ENOX1: variants seen among roughly 807,000 people sequenced by gnomAD.
ENOX1 encodes the protein ecto-NOX disulfide-thiol exchanger 1, also known as candidate growth-related and time keeping constitutive hydroquinone (NADH) oxidase.
Under a neutral mutation model 82.5 loss-of-function variants are expected in ENOX1, and 42 were observed. The observed-to-expected ratio is 0.51, with a 90% confidence interval of 0.40 to 0.66. ENOX1 has a LOEUF of 0.66. Ranked by LOEUF, ENOX1 falls within the 30% of genes least tolerant of loss-of-function variation. ENOX1 has a pLI of 0.00. For missense variants in ENOX1, 608 were observed against 811.6 expected (o/e 0.75, Z 3.05); for synonymous variants, 271 against 282.2 (o/e 0.96, Z 0.40).
intron 11 of ENOX1, among the ~76,000 whole-genome samples, 157 bp downstream of exon 11, chr13:43,322,227 G>A (rs942530806): frequency 6.6e-6 from 1 of 152,190 alleles, no homozygotes; most frequent in African/African-American, 2.4e-5. Context: ...CCAAGAAGGA[G>A]TTTAAAGTTC....
At chr13:43,470,169 G>A (rs1455165667) in intron 3 of ENOX1, among the ~76,000 whole-genome samples, 1 of 147,242 alleles carries the variant, frequency 6.8e-6, no homozygotes, top group Non-Finnish European at 1.5e-5. Context: ...GTACTATAAA[G>A]TTTTCAAACT....
At chr13:43,722,035 G>C (rs2088617146) in intron 1 of ENOX1, among the ~76,000 whole-genome samples, 1 of 152,186 alleles carries the variant, frequency 6.6e-6, no homozygotes, top group Admixed American at 6.5e-5. Flanking sequence ...GGAATGTAGA[G>C]AAGAACTCAT....
intron 1 of ENOX1, among the ~76,000 whole-genome samples, chr13:43,698,406 T>A (rs956267248): frequency 6.6e-6 from 1 of 152,154 alleles, no homozygotes; most frequent in Non-Finnish European, 1.5e-5. Context: ...CCAAAGACCC[T>A]AACTGTTAGA....
chr13:43,568,047 C>G (rs1012999670), intron 2 of ENOX1, among the ~76,000 whole-genome samples: 1 of 152,188 alleles, frequency 6.6e-6, no homozygotes, highest in African/African-American at 2.4e-5. Flanking sequence ...TATAAAAATA[C>G]TGATCTCTAA....
chr13:43,651,857 C>T (rs149689472), intron 2 of ENOX1, among the ~76,000 whole-genome samples: 2,005 of 151,344 alleles, frequency 0.013, 23 homozygotes, highest in Non-Finnish European at 0.02. Flanking sequence ...TGCCTGTAAT[C>T]CCAGTTACCT....
At chr13:43,585,780 T>C (rs572249902) in intron 2 of ENOX1, among the ~76,000 whole-genome samples, 1 of 152,320 alleles carries the variant, frequency 6.6e-6, no homozygotes, top group South Asian at 2.1e-4. Flanking sequence ...GGTTTCACTA[T>C]GTTGGCCAGG....
At chr13:43,721,348 T>TA (rs1236842693) in intron 1 of ENOX1, among the ~76,000 whole-genome samples, 1 of 148,688 alleles carries the variant, frequency 6.7e-6, no homozygotes, top group Non-Finnish European at 1.5e-5. Flanking sequence ...ACTACATAAA[T>TA]AAGAAAAAGC....
At chr13:43,763,890 T>C (rs1035258012) in intron 1 of ENOX1, among the ~76,000 whole-genome samples, 5 of 152,176 alleles carry the variant, frequency 3.3e-5, no homozygotes, top group African/African-American at 1.2e-4. Flanking sequence ...GAACACTATC[T>C]AGAAAAAGAG....
chr13:43,724,094 CT>C (rs1376267003), intron 1 of ENOX1, among the ~76,000 whole-genome samples: 1 of 152,154 alleles, frequency 6.6e-6, no homozygotes, highest in Non-Finnish European at 1.5e-5. Context: ...CACATTAGGT[CT>C]TTTAAATAAT....
intron 9 of ENOX1, among the ~76,000 whole-genome samples, chr13:43,337,663 T>A (rs2048790848): frequency 1.3e-5 from 2 of 152,148 alleles, no homozygotes; most frequent in African/African-American, 4.8e-5. Flanking sequence ...TTATACTCAG[T>A]GTGATGACAG....
chr13:43,671,245 C>T (rs1468422609), intron 1 of ENOX1, among the ~76,000 whole-genome samples: 1 of 152,178 alleles, frequency 6.6e-6, no homozygotes. Context: ...AATTAAACCT[C>T]CTTTGTTTAT....
At chr13:43,338,838 A>G (rs2048882570) in intron 9 of ENOX1, among the ~76,000 whole-genome samples, 1 of 151,874 alleles carries the variant, frequency 6.6e-6, no homozygotes, top group Non-Finnish European at 1.5e-5. Flanking sequence ...GGCGCCCGCC[A>G]CTGCCCCCGG....
intron 1 of ENOX1, among the ~76,000 whole-genome samples, chr13:43,696,795 C>CTTT (rs5803203): frequency 2.1e-5 from 3 of 140,746 alleles, no homozygotes; most frequent in African/African-American, 5.3e-5. Context: ...GATTCCTTTG[C>CTTT]TTTTTTTTTT....
intron 2 of ENOX1, among the ~76,000 whole-genome samples, chr13:43,625,017 T>C (rs2082904058): frequency 6.6e-6 from 1 of 152,110 alleles, no homozygotes; most frequent in Non-Finnish European, 1.5e-5. Flanking sequence ...GGTATGTCTC[T>C]TTGTTTACTT....
intron 1 of ENOX1, among the ~76,000 whole-genome samples, chr13:43,721,372 A>G (rs995109615): frequency 3.3e-5 from 4 of 119,916 alleles, no homozygotes; most frequent in Non-Finnish European, 6.6e-5. Context: ...TATATATTTT[A>G]TATCTTTTTT....
At chr13:43,512,490 T>C (rs1391673058) in intron 2 of ENOX1, among the ~76,000 whole-genome samples, 4 of 152,132 alleles carry the variant, frequency 2.6e-5, no homozygotes, top group African/African-American at 4.8e-5. Flanking sequence ...AATGAGCATA[T>C]AATTGACTGA....
intron 3 of ENOX1, among the ~76,000 whole-genome samples, chr13:43,429,065 C>T (rs1339079746): frequency 1.3e-5 from 2 of 152,152 alleles, no homozygotes; most frequent in South Asian, 2.1e-4. Flanking sequence ...TCTGACTCTC[C>T]TAAGAAACGT....
At chr13:43,240,327 AG>A (rs2042756424) in intron 14 of ENOX1, among the ~76,000 whole-genome samples, 1 of 152,224 alleles carries the variant, frequency 6.6e-6, no homozygotes, top group Admixed American at 6.5e-5. Context: ...TTCTTATAAA[AG>A]GTCTAAAAGA....
At chr13:43,710,464 G>A (rs2087613828) in intron 1 of ENOX1, among the ~76,000 whole-genome samples, 1 of 152,062 alleles carries the variant, frequency 6.6e-6, no homozygotes, top group African/African-American at 2.4e-5. Flanking sequence ...CCTTAATAAG[G>A]TAAAGGTTAT....
Sources: gnomAD v4.1 joint callset for allele counts (sites outside exome capture counted in the v4.1 genomes callset) on GRCh38, gnomAD v4.1.1 for gene constraint, MANE v1.5 for transcripts, NCBI Gene and HGNC (gene_info 2026-07-23, HGNC 2026-07-21) for gene names.